EXOC6B: variants seen among roughly 807,000 people sequenced by gnomAD.
The protein encoded by EXOC6B is SEC15 homolog B.
Under a neutral mutation model 113.5 loss-of-function variants are expected in EXOC6B, and 54 were observed. That is an observed-to-expected ratio of 0.48 (90% CI 0.38 to 0.60). EXOC6B has a LOEUF of 0.60. Among genes scored for constraint, EXOC6B ranks in the 20% least tolerant of loss-of-function variants. EXOC6B has a pLI of 0.00. For missense variants in EXOC6B, 797 were observed against 977.5 expected, an observed-to-expected ratio of 0.82 and a Z score of 2.46; for synonymous variants, 357 against 339.0, an observed-to-expected ratio of 1.05 and a Z score of -0.58.
intron 20 of EXOC6B, among the ~76,000 whole-genome samples, chr2:72,221,959 A>G (rs2104429808): frequency 6.6e-6 from 1 of 152,322 alleles, no homozygotes; most frequent in Non-Finnish European, 1.5e-5. Context: ...AATTAACAGC[A>G]TCAAGATGAG....
At chr2:72,619,841 G>C (rs1671636846) in intron 6 of EXOC6B, among the ~76,000 whole-genome samples, 1 of 152,208 alleles carries the variant, frequency 6.6e-6, no homozygotes, top group Non-Finnish European at 1.5e-5. Flanking sequence ...GATCTCCCCA[G>C]GGAGCAGGCA....
chr2:72,654,888 A>G (rs1390203511), intron 6 of EXOC6B, among the ~76,000 whole-genome samples: 1 of 152,194 alleles, frequency 6.6e-6, no homozygotes, highest in East Asian at 1.9e-4. Flanking sequence ...ATTTTCCAAT[A>G]AAGAGACAGG....
intron 6 of EXOC6B, among the ~76,000 whole-genome samples, chr2:72,682,825 T>G (rs1573616034): frequency 1.3e-5 from 2 of 152,248 alleles, no homozygotes; most frequent in African/African-American, 4.8e-5. Flanking sequence ...ATACTAGACC[T>G]CCAAATCCTA....
At chr2:72,365,437 CATA>C (rs1690560706) in intron 19 of EXOC6B, among the ~76,000 whole-genome samples, 1 of 152,100 alleles carries the variant, frequency 6.6e-6, no homozygotes, top group Non-Finnish European at 1.5e-5. Context: ...ATCCCACAGA[CATA>C]ATGATACTGA....
intron 18 of EXOC6B, among the ~76,000 whole-genome samples, chr2:72,402,299 T>G (rs1438728046): frequency 1.3e-5 from 2 of 152,190 alleles, no homozygotes; most frequent in Non-Finnish European, 2.9e-5. Flanking sequence ...AAATTACATT[T>G]TATACATTTG....
intron 6 of EXOC6B, among the ~76,000 whole-genome samples, chr2:72,604,818 G>T (rs931412353): frequency 6.6e-6 from 1 of 152,156 alleles, no homozygotes; most frequent in African/African-American, 2.4e-5. Flanking sequence ...CTTCTGTGAA[G>T]ACCAGCTTTT....
chr2:72,542,340 A>T (rs1296622627), intron 8 of EXOC6B, among the ~76,000 whole-genome samples: 1 of 152,198 alleles, frequency 6.6e-6, no homozygotes, highest in African/African-American at 2.4e-5. Flanking sequence ...GAATAGGGAC[A>T]GGCGAAGAGA....
At chr2:72,641,439 C>T (rs754253860) in intron 6 of EXOC6B, among the ~76,000 whole-genome samples, 2 of 152,270 alleles carry the variant, frequency 1.3e-5, no homozygotes, top group Non-Finnish European at 2.9e-5. Flanking sequence ...GGGTCCCCCA[C>T]CCACGAAGCC....
intron 8 of EXOC6B, among the ~76,000 whole-genome samples, chr2:72,516,174 T>C (rs1187534537): frequency 6.6e-6 from 1 of 152,202 alleles, no homozygotes; most frequent in African/African-American, 2.4e-5. Context: ...TTACAGCAGC[T>C]CTAGGAAATG....
chr2:72,449,609 A>G (rs1696796872), intron 18 of EXOC6B, among the ~76,000 whole-genome samples: 1 of 152,166 alleles, frequency 6.6e-6, no homozygotes, highest in Non-Finnish European at 1.5e-5. Flanking sequence ...GATAAGAAAA[A>G]TACAAAAATA....
At chr2:72,421,754 C>T (rs1018209472) in intron 18 of EXOC6B, among the ~76,000 whole-genome samples, 3 of 152,252 alleles carry the variant, frequency 2.0e-5, no homozygotes, top group African/African-American at 4.8e-5. Flanking sequence ...CGGCCCGCCG[C>T]TGCACTGTGG....
intron 6 of EXOC6B, among the ~76,000 whole-genome samples, chr2:72,622,231 C>CA (rs755581083): frequency 2.2e-3 from 284 of 129,602 alleles, no homozygotes; most frequent in African/African-American, 4.9e-3. Context: ...TGATGAAGTA[C>CA]AAAAAAAAAA....
At chr2:72,773,141 T>TTTTG (rs1182849659) in intron 1 of EXOC6B, among the ~76,000 whole-genome samples, 9 of 145,452 alleles carry the variant, frequency 6.2e-5, no homozygotes, top group African/African-American at 2.1e-4. Flanking sequence ...TTTTTTTTTT[T>TTTTG]TGTGAGACAG....
At chr2:72,212,733 T>A (rs1489791290) in intron 20 of EXOC6B, among the ~76,000 whole-genome samples, 1 of 152,192 alleles carries the variant, frequency 6.6e-6, no homozygotes, top group Non-Finnish European at 1.5e-5. Flanking sequence ...ATGTTCTCTA[T>A]CTCCACTATA....
At chr2:72,335,107 A>G in intron 19 of EXOC6B, 87 bp from the exon 20 acceptor site, 1 of 1,217,626 alleles carries the variant, frequency 8.2e-7, no homozygotes, top group South Asian at 1.2e-5. Flanking sequence ...AGACAAGAGA[A>G]GCTGGGGGAG....
chr2:72,397,660 T>TAAAATAAAATAAAAAAATA (rs146573352), intron 18 of EXOC6B, among the ~76,000 whole-genome samples: 2 of 139,852 alleles, frequency 1.4e-5, no homozygotes, highest in Non-Finnish European at 3.0e-5. Flanking sequence ...TAAAATAAAA[T>TAAAATAAAATAAAAAAATA]TATATATATA....
chr2:72,549,119 A>C (rs1462900251), intron 8 of EXOC6B, among the ~76,000 whole-genome samples: 2 of 152,154 alleles, frequency 1.3e-5, no homozygotes, highest in Non-Finnish European at 2.9e-5. Context: ...AAAGAACTGG[A>C]AGCATTTTAG....
chr2:72,769,446 T>TA (rs1212156870), intron 1 of EXOC6B, among the ~76,000 whole-genome samples: 2 of 152,192 alleles, frequency 1.3e-5, no homozygotes, highest in Non-Finnish European at 2.9e-5. Context: ...AAGGAAGTGA[T>TA]AAAAATATTA....
chr2:72,336,011 G>T (rs1336466210), intron 19 of EXOC6B, among the ~76,000 whole-genome samples: 2 of 150,896 alleles, frequency 1.3e-5, no homozygotes, highest in South Asian at 2.1e-4. Flanking sequence ...AAGGTCTTAA[G>T]TTCCCTATAC....
Sources: allele counts gnomAD v4.1 joint callset (sites outside exome capture counted in the v4.1 genomes callset), GRCh38; gene constraint gnomAD v4.1.1; transcripts MANE v1.5; gene names NCBI Gene and HGNC (gene_info 2026-07-23, HGNC 2026-07-21).